OPA1: variants seen among roughly 807,000 people sequenced by gnomAD.
OPA1 encodes OPA1 mitochondrial dynamin like GTPase.
OPA1 carries 59 observed loss-of-function variants against 152.9 expected under a neutral mutation model. That is an observed-to-expected ratio of 0.39 (90% CI 0.31 to 0.48). OPA1 has a LOEUF of 0.48. Among genes scored for constraint, OPA1 ranks in the 20% least tolerant of loss-of-function variants. The probability of loss-of-function intolerance (pLI) is 0.96; values close to 1 mark genes in which losing one functional copy is unlikely to be tolerated. For synonymous variants in OPA1, 400 were observed against 389.9 expected, an observed-to-expected ratio of 1.03 and a Z score of -0.31; for missense variants, 1,008 against 1,216.8, an observed-to-expected ratio of 0.83 and a Z score of 2.55.
intron 1 of OPA1, among the ~76,000 whole-genome samples, chr3:193,610,575 A>G (rs1180413569): frequency 6.6e-6 from 1 of 152,188 alleles, no homozygotes; most frequent in Non-Finnish European, 1.5e-5. Flanking sequence ...TCAGACAGGG[A>G]CATTTAAGTC....
At chr3:193,653,960 T>C (rs150419675) in intron 21 of OPA1, among the ~76,000 whole-genome samples, 3 of 152,108 alleles carry the variant, frequency 2.0e-5, no homozygotes, top group Non-Finnish European at 2.9e-5. Flanking sequence ...CTAGTGGAAA[T>C]GTAAACTGAG....
chr3:193,619,453 T>C (rs757267676), intron 6 of OPA1: 1 of 154,272 alleles, frequency 6.5e-6, no homozygotes, highest in Non-Finnish European at 1.4e-5. Flanking sequence ...TTCCCTGATA[T>C]TGATAGTTAA....
At chr3:193,675,327 G>GA (rs988338349) in intron 29 of OPA1, among the ~76,000 whole-genome samples, 2,302 of 63,334 alleles carry the variant, frequency 0.036, 71 homozygotes, top group African/African-American at 0.11. Flanking sequence ...TTTTTTTTAA[G>GA]AAAAAAAAAA....
chr3:193,603,599 T>G lies in OPA1; in HGVS notation c.32+10190T>G, dbSNP rs75811394. 7 of 152,232 alleles carry G rather than the reference T, an allele frequency of 4.6e-5. No homozygotes were observed. In the East Asian group the frequency reaches 1.3e-3, roughly 29 times the overall value. 9.4% of individuals were successfully genotyped at this position (152,232 alleles called of 1,614,324 possible). Reference sequence around the variant, plus strand: ...GTTTCCATATCATGCCAAAATCACGTACTACTCCAAAAGCATGTCTACTAT... The same window carrying G: ...GTTTCCATATCATGCCAAAATCACGGACTACTCCAAAAGCATGTCTACTAT... On this transcript the variant is annotated intron_variant, in intron 1 of 30. Coordinates refer to ENST00000361510, the MANE Select transcript of OPA1 (RefSeq NM_130837.3).
chr3:193,642,441 G>A (rs1202712902), intron 11 of OPA1, among the ~76,000 whole-genome samples: 1 of 152,224 alleles, frequency 6.6e-6, no homozygotes, highest in Non-Finnish European at 1.5e-5. Context: ...GTTTTAGAGA[G>A]ATGATTTTGG....
chr3:193,684,446 C>CTTTTT (rs67027119), intron 29 of OPA1, among the ~76,000 whole-genome samples: 2 of 105,908 alleles, frequency 1.9e-5, no homozygotes. Context: ...ATGGTACTAC[C>CTTTTT]TTTTTTTTTT....
intron 29 of OPA1, among the ~76,000 whole-genome samples, chr3:193,669,383 C>A (rs571769122): frequency 6.6e-6 from 1 of 152,324 alleles, no homozygotes; most frequent in Non-Finnish European, 1.5e-5. Context: ...TCTCATGCCA[C>A]CTTGGCAATG....
At chr3:193,687,111 G>A (rs1721032572) in intron 29 of OPA1, among the ~76,000 whole-genome samples, 1 of 152,170 alleles carries the variant, frequency 6.6e-6, no homozygotes, top group Non-Finnish European at 1.5e-5. Context: ...GACTTTTAGA[G>A]CAAGTATCAG....
At chr3:193,664,789 T>G (rs1007826105) in intron 26 of OPA1, 91 bp from the exon 27 acceptor site, 5 of 776,340 alleles carry the variant, frequency 6.4e-6, no homozygotes, top group Non-Finnish European at 1.1e-5. Context: ...TTAACTTTTT[T>G]GGTAAATATA....
chr3:193,639,872 A>G (rs1733497063), intron 11 of OPA1, among the ~76,000 whole-genome samples: 1 of 152,222 alleles, frequency 6.6e-6, no homozygotes, highest in Non-Finnish European at 1.5e-5. Context: ...TTTTGAAAGT[A>G]GAATTAACAG....
At chr3:193,643,802 T>A in intron 15 of OPA1, 173 bp from the exon 16 acceptor site, 1 of 916,296 alleles carries the variant, frequency 1.1e-6, no homozygotes, top group Non-Finnish European at 1.7e-6. Flanking sequence ...TGATAAGTTT[T>A]ACATAAGCAT....
At chr3:193,633,028 C>G (rs1340883959) in intron 8 of OPA1, among the ~76,000 whole-genome samples, 1 of 152,090 alleles carries the variant, frequency 6.6e-6, no homozygotes, top group Non-Finnish European at 1.5e-5. Context: ...TTTTGAGTCA[C>G]AGGTTTCTTT....
In OPA1 at chr3:193,657,521, C is replaced by G. The variant is rs954959983; in HGVS notation, c.2331+289C>G. The stretch of plus-strand genomic sequence containing the variant: ...TGTCATCTGTTAGCCATTTTATGGG[C>G]CTGTCTGTAGATAGGTGCTTCTAAT... On this transcript the variant is annotated intron_variant, in intron 23 of 30. Coordinates refer to ENST00000361510, the MANE Select transcript of OPA1 (RefSeq NM_130837.3). Among the ~76,000 whole-genome samples the G allele has an allele frequency of 1.1e-4, 16 of 152,062 alleles. 1 individual carries two copies. Among genetic ancestry groups the G allele is most frequent in the African/African-American group, 2.7e-4 (11 of 41,390 alleles).
chr3:193,636,073 A>G (rs1435247092), intron 9 of OPA1, among the ~76,000 whole-genome samples: 1 of 152,202 alleles, frequency 6.6e-6, no homozygotes, highest in Non-Finnish European at 1.5e-5. Context: ...ACTAAACCAC[A>G]TGTGCTAAAT....
At chr3:193,631,899 T>C (rs1577211349) in intron 8 of OPA1, 4 of 574,080 alleles carry the variant, frequency 7.0e-6, no homozygotes, top group East Asian at 2.8e-5. Flanking sequence ...GTGAATCTTA[T>C]GCCCAAAAGG....
intron 1 of OPA1, among the ~76,000 whole-genome samples, chr3:193,610,648 G>A (rs1055347543): frequency 6.6e-6 from 1 of 152,236 alleles, no homozygotes; most frequent in Admixed American, 6.5e-5. Flanking sequence ...AGTCTACAGA[G>A]GAAGGCAGGC....
chr3:193,683,485 C>G (rs1720478523), intron 29 of OPA1, among the ~76,000 whole-genome samples: 1 of 151,458 alleles, frequency 6.6e-6, no homozygotes, highest in South Asian at 2.1e-4. Flanking sequence ...TAAAATTTAC[C>G]CAAAATTACC....
chr3:193,678,153 C>A (rs1397175329), intron 29 of OPA1, among the ~76,000 whole-genome samples: 2 of 152,116 alleles, frequency 1.3e-5, no homozygotes, highest in Non-Finnish European at 2.9e-5. Flanking sequence ...TAGAAGTTTG[C>A]TGTTTTGATT....
At chr3:193,632,584 A>G (rs1732256039) in intron 8 of OPA1, among the ~76,000 whole-genome samples, 1 of 152,172 alleles carries the variant, frequency 6.6e-6, no homozygotes, top group Admixed American at 6.5e-5. Flanking sequence ...AAGAGTTACT[A>G]TCAGCTGGGC....
Sources: gnomAD v4.1 joint callset for allele counts (sites outside exome capture counted in the v4.1 genomes callset) on GRCh38, gnomAD v4.1.1 for gene constraint, MANE v1.5 for transcripts, NCBI Gene and HGNC (gene_info 2026-07-23, HGNC 2026-07-21) for gene names.